The following AFG1L variants were observed in gnomAD, a reference collection of about 807,000 sequenced individuals.
AFG1L encodes the protein AFG1-like ATPase.
AFG1L carries 53 observed loss-of-function variants against 62.2 expected under a neutral mutation model. That is an observed-to-expected ratio of 0.85 (90% CI 0.68 to 1.07). AFG1L has a LOEUF of 1.07. Ranked by LOEUF, AFG1L falls within the 50% of genes least tolerant of loss-of-function variation. The probability of loss-of-function intolerance (pLI) is 0.00; values close to 1 mark genes in which losing one functional copy is unlikely to be tolerated. For missense variants in AFG1L, 555 were observed against 590.5 expected (o/e 0.94, Z 0.62); for synonymous variants, 228 against 210.3 (o/e 1.08, Z -0.73).
At chr6:108,309,805 T>G (rs978712578) in intron 1 of AFG1L, among the ~76,000 whole-genome samples, 1 of 152,150 alleles carries the variant, frequency 6.6e-6, no homozygotes, top group Non-Finnish European at 1.5e-5. Context: ...ATCTTATTAA[T>G]AATTAAAAAA....
chr6:108,317,878 C>T (rs1777664389), intron 1 of AFG1L, among the ~76,000 whole-genome samples: 1 of 152,112 alleles, frequency 6.6e-6, no homozygotes, highest in South Asian at 2.1e-4. Context: ...CTCTTACTGT[C>T]ATAGTTTTGT....
chr6:108,439,059 A>G (rs560291098), intron 7 of AFG1L, among the ~76,000 whole-genome samples: 3 of 152,244 alleles, frequency 2.0e-5, no homozygotes, highest in African/African-American at 7.2e-5. Context: ...TTAGAGCTTA[A>G]AGGGATCGTA....
At chr6:108,384,780 C>T (rs1285063554) in intron 6 of AFG1L, among the ~76,000 whole-genome samples, 1 of 151,576 alleles carries the variant, frequency 6.6e-6, no homozygotes, top group Non-Finnish European at 1.5e-5. Context: ...AATTCTAGAA[C>T]TATAAAATAT....
chr6:108,474,208 G>A (rs539041398), intron 8 of AFG1L, among the ~76,000 whole-genome samples: 30 of 152,276 alleles, frequency 2.0e-4, no homozygotes, highest in Admixed American at 1.8e-3. Flanking sequence ...TGCAAAGGAC[G>A]TGATCTGCTT....
At chr6:108,400,184 C>A (rs1781506703) in intron 6 of AFG1L, among the ~76,000 whole-genome samples, 1 of 152,024 alleles carries the variant, frequency 6.6e-6, no homozygotes, top group Admixed American at 6.6e-5. Flanking sequence ...CCCTTTATTT[C>A]TTTCTCATGT....
chr6:108,373,546 C>T (rs1780107772), intron 6 of AFG1L, among the ~76,000 whole-genome samples: 2 of 150,630 alleles, frequency 1.3e-5, no homozygotes, highest in East Asian at 1.9e-4. Flanking sequence ...GTTGGATAGA[C>T]ACCCAGTAAT....
chr6:108,337,069 A>G (rs956570384), intron 2 of AFG1L, among the ~76,000 whole-genome samples: 21 of 152,248 alleles, frequency 1.4e-4, no homozygotes, highest in Non-Finnish European at 2.6e-4. Flanking sequence ...GCTATAGCCC[A>G]GGCTAGTCTC....
intron 10 of AFG1L, among the ~76,000 whole-genome samples, chr6:108,483,921 G>C (rs899986784): frequency 3.3e-5 from 5 of 152,096 alleles, no homozygotes; most frequent in Non-Finnish European, 2.9e-5. Context: ...ATCCCTTCGG[G>C]AGCTGTTAAG....
intron 8 of AFG1L, among the ~76,000 whole-genome samples, chr6:108,474,693 G>A (rs1010037497): frequency 2.0e-5 from 3 of 152,212 alleles, no homozygotes; most frequent in Non-Finnish European, 4.4e-5. Flanking sequence ...CTTTCAAGAA[G>A]TGTCTGTTCA....
At chr6:108,401,154 G>A (rs994115598) in intron 6 of AFG1L, among the ~76,000 whole-genome samples, 3 of 35,994 alleles carry the variant, frequency 8.3e-5, no homozygotes, top group Non-Finnish European at 1.2e-4. Context: ...TTTTTTTTTT[G>A]AGACGGAGTC....
At chr6:108,455,432 C>T (rs1772218286) in intron 8 of AFG1L, among the ~76,000 whole-genome samples, 2 of 151,946 alleles carry the variant, frequency 1.3e-5, no homozygotes, top group Admixed American at 1.3e-4. Context: ...ATTGATCTTC[C>T]CAACGAAACT....
chr6:108,363,469 T>G (rs565384207), intron 5 of AFG1L, among the ~76,000 whole-genome samples: 40 of 152,284 alleles, frequency 2.6e-4, no homozygotes, highest in African/African-American at 8.9e-4. Flanking sequence ...GATAGTTTTT[T>G]TTTGTTTGTT....
At chr6:108,379,185 A>G (rs984048911) in intron 6 of AFG1L, among the ~76,000 whole-genome samples, 12 of 151,562 alleles carry the variant, frequency 7.9e-5, no homozygotes, top group African/African-American at 2.9e-4. Flanking sequence ...TAAGTTTTGT[A>G]TTTTTAGTAG....
chr6:108,375,387 A>T (rs958145843), intron 6 of AFG1L, among the ~76,000 whole-genome samples: 1 of 152,158 alleles, frequency 6.6e-6, no homozygotes, highest in Non-Finnish European at 1.5e-5. Flanking sequence ...GAGAGTGGAC[A>T]TCCTTTCTTA....
intron 3 of AFG1L, among the ~76,000 whole-genome samples, chr6:108,353,854 A>G (rs150262089): frequency 3.0e-4 from 46 of 152,348 alleles, no homozygotes; most frequent in African/African-American, 1.1e-3. Context: ...TGACTTCTTT[A>G]TTAAAAAAAT....
intron 6 of AFG1L, chr6:108,392,181 AAG>A (rs544912621): frequency 6.6e-6 from 1 of 152,204 alleles, no homozygotes; most frequent in Non-Finnish European, 1.5e-5. Context: ...TTTTTTAAAA[AAG>A]AAAATGTTTG....
chr6:108,324,980 A>C (rs538066350), intron 2 of AFG1L, among the ~76,000 whole-genome samples: 1 of 152,160 alleles, frequency 6.6e-6, no homozygotes, highest in Admixed American at 6.5e-5. Context: ...GGTGTGAGCC[A>C]CTGTGCCTGG....
At chr6:108,319,682 C>A (rs1222137156) in intron 1 of AFG1L, 1 of 329,026 alleles carries the variant, frequency 3.0e-6, no homozygotes, top group Non-Finnish European at 6.0e-6. Context: ...GATCATGGTG[C>A]TCTGCAGCCT....
chr6:108,301,513 G>C (rs954779590), intron 1 of AFG1L, among the ~76,000 whole-genome samples: 2 of 152,208 alleles, frequency 1.3e-5, no homozygotes, highest in African/African-American at 4.8e-5. Flanking sequence ...ATTCAGGGTA[G>C]AGAGGAGCTC....
Sources: allele counts gnomAD v4.1 joint callset (sites outside exome capture counted in the v4.1 genomes callset), GRCh38; gene constraint gnomAD v4.1.1; transcripts MANE v1.5; gene names NCBI Gene and HGNC (gene_info 2026-07-23, HGNC 2026-07-21).